CPT2: variants seen among roughly 807,000 people sequenced by gnomAD.
The protein encoded by CPT2 is carnitine palmitoyltransferase 2.
Under a neutral mutation model 48.6 loss-of-function variants are expected in CPT2, and 37 were observed. The observed-to-expected ratio is 0.76, with a 90% CI of 0.59 to 1.00. The LOEUF is 1.00. Among genes scored for constraint, CPT2 ranks in the 50% least tolerant of loss-of-function variants. The pLI, the probability that CPT2 is intolerant of heterozygous loss-of-function variation, is 0.00. For missense variants in CPT2, 772 were observed against 825.6 expected (o/e 0.94, Z 0.80); for synonymous variants, 319 against 326.9 (o/e 0.98, Z 0.26).
At chr1:53,206,151 C>G (rs1389916287) in intron 3 of CPT2, among the ~76,000 whole-genome samples, 1 of 149,528 alleles carries the variant, frequency 6.7e-6, no homozygotes, top group Non-Finnish European at 1.5e-5. Flanking sequence ...CCACTGCACT[C>G]CAGTCTGGGT....
chr1:53,210,291 T>A lies in CPT2; in HGVS notation c.617T>A (p.Leu206Gln). The change falls in exon 4 of 5, where the codon CTG becomes CAG. Residue 206 changes from leucine to glutamine, a missense_variant. Transcript: ENST00000371486. ...TCTCTGTCCTGGTATGGGGCCTACC[T>A]GGTCAATGCGTATCCCCTGGATATG... ...PSSLSWYGAY[L>Q]VNAYPLDMSQ... 1 of 1,614,214 alleles carries A rather than the reference T, an allele frequency of 6.2e-7. No individual in the cohort carries two copies. The highest frequency in any genetic ancestry group is 8.5e-7 in the Non-Finnish European group (1 of 1,180,040).
Position 53,196,999 on chromosome 1 carries a change from G to C in CPT2, c.56G>C (p.Gly19Ala), listed in dbSNP as rs938409577. ...CCCCGGGGCCCCGCGGTTGGTCCGG[G>C]AGCCCCCAGTCGGCCCCTCAGCGCC... ...AWPRGPAVGP[G>A]APSRPLSAGS... Residue 19 changes from glycine (G) to alanine (A), a missense_variant, in exon 1 of 5, where the codon GGA becomes GCA. Transcript: ENST00000371486. 3.9e-6 allele frequency: 6 copies of C among 1,532,428 alleles called. No individual in the cohort carries two copies. The South Asian group carries it at 7.2e-5, about 18-fold the overall frequency. 94.9% of individuals were successfully genotyped at this position (1,532,428 alleles called of 1,614,324 possible). A position where few individuals can be genotyped will look rare whatever the true frequency, so the allele number is the denominator to read the frequency against.
At chr1:53,209,013 T>C (rs1645404001) in intron 3 of CPT2, 1 of 152,194 alleles carries the variant, frequency 6.6e-6, no homozygotes, top group Non-Finnish European at 1.5e-5. Context: ...GTGATAGTAG[T>C]TCCACTCCTA....
rs1557711910 is a variant in CPT2 at position 53,196,910 on chromosome 1, TG to T, written c.-33del. On this transcript the variant is annotated 5_prime_UTR_variant, in exon 1 of 5. Transcript: ENST00000371486. ...TGTTTAGACTCCAGAACTCCCCACT[TG>T]CCGCGTTCTCGCCGCCGCAGGCTCC... is the stretch of plus-strand genomic sequence containing the variant. 6.5e-7 allele frequency: 1 copy of T among 1,537,084 alleles called. No individual in the cohort carries two copies. The highest frequency in any genetic ancestry group is 1.2e-5 in the South Asian group (1 of 83,974).
At chr1:53,197,572 CT>C (rs1364073451) in intron 1 of CPT2, 4 of 256,214 alleles carry the variant, frequency 1.6e-5, no homozygotes, top group Admixed American at 5.3e-5. Context: ...GCCTTCACCC[CT>C]GTCACTCAGG....
rs1645442171 is a variant in CPT2, at chr1:53,213,342, TGG to T, written c.1725_1726del (p.Asp576ProfsTer32). 1 of 1,614,246 alleles carries T rather than the reference TGG, an allele frequency of 6.2e-7. No homozygotes were observed. ...GGGATCATCTTGCCTGAGCTCTACC[TGG>T]ACCCTGCATACGGGCAGATAAACCA... is the stretch of plus-strand genomic sequence containing the variant. On this transcript the variant is annotated frameshift_variant, in exon 5 of 5. Transcript: ENST00000371486. LOFTEE classifies it high-confidence loss of function.
At position 53,213,501 on chromosome 1, in the gene CPT2, AC is replaced by A. The variant is rs763889116; in HGVS notation, c.1886del (p.Pro629GlnfsTer16). The part of the protein sequence containing the change: ...DNWIGCNVSS[Y>X]PGRNAREFLQ... Reference sequence around the variant, plus strand: ...TGGATAGGCTGCAATGTCTCTTCCTACCCAGGCCGCAATGCCCGGGAGTTTC... The same window carrying A: ...TGGATAGGCTGCAATGTCTCTTCCTACCAGGCCGCAATGCCCGGGAGTTTC... On this transcript the variant is annotated frameshift_variant, in exon 5 of 5. Coordinates refer to ENST00000371486, the MANE Select transcript of CPT2 (RefSeq NM_000098.3). LOFTEE classifies it high-confidence loss of function. The A allele has an allele frequency of 6.8e-6, 11 of 1,614,094 alleles. No individual in the cohort carries two copies.
chr1:53,210,662 T>G lies in CPT2; in HGVS notation c.988T>G (p.Phe330Val), dbSNP rs755882353. 1 of 1,614,172 alleles carries G rather than the reference T, an allele frequency of 6.2e-7. No homozygotes were observed. Among genetic ancestry groups the G allele is most frequent in the Admixed American group, 1.7e-5 (1 of 60,030 alleles). ...SAVFCLCLDD[F>V]PIKDLVHLSH... ...AGTGTTCTGTCTCTGCCTAGATGAC[T>G]TCCCCATTAAGGACCTTGTCCACTT... The change falls in exon 4 of 5, where the codon TTC becomes GTC. Residue 330 changes from phenylalanine to valine, a missense_variant. Physicochemically the swap from Phe to Val is conservative, Grantham distance 50 (BLOSUM62 -1). Coordinates refer to ENST00000371486, the MANE Select transcript of CPT2 (RefSeq NM_000098.3).
In CPT2 at chr1:53,208,328, T is replaced by A. The variant is rs1645400551; in HGVS notation, c.341-1687T>A. 2.0e-5 allele frequency: 3 copies of A among 152,210 alleles called. No individual in the cohort carries two copies. In the South Asian group the frequency reaches 6.2e-4, roughly 32 times the overall value. The allele number at this position is 152,210 out of a possible 1,614,324, so 9.4% of individuals were successfully genotyped here. On this transcript the variant is annotated intron_variant, in intron 3 of 4. Coordinates refer to ENST00000371486, the MANE Select transcript of CPT2 (RefSeq NM_000098.3). ...GACCAACAAATGAGTAACAGAGAAA[T>A]CTGCATCTATTAATCCTTTTCCCAG...
At chr1:53,199,633 T>G (rs984716383) in intron 1 of CPT2, 5 of 152,240 alleles carry the variant, frequency 3.3e-5, no homozygotes, top group African/African-American at 1.2e-4. Flanking sequence ...TGTAGGCAAC[T>G]GGAATTATGA....
chr1:53,199,961 T>G (rs753067447), intron 1 of CPT2: 4 of 152,210 alleles, frequency 2.6e-5, no homozygotes, highest in Non-Finnish European at 5.9e-5. Flanking sequence ...TCTGATTGTT[T>G]TGCTATTAGG....
At chr1:53,211,454 C>A in intron 4 of CPT2, 135 bp downstream of exon 4, 1 of 882,874 alleles carries the variant, frequency 1.1e-6, no homozygotes, top group Non-Finnish European at 1.8e-6. Flanking sequence ...CCAAATTTTT[C>A]TTTTCTACCC....
In CPT2 at chr1:53,213,913, G is replaced by A. The variant is rs951718987; in HGVS notation, c.*318G>A. 5.2e-5 allele frequency: 17 copies of A among 327,108 alleles called. No individual in the cohort carries two copies. The highest frequency in any genetic ancestry group is 1.3e-4 in the African/African-American group (6 of 46,640). The allele number at this position is 327,108 out of a possible 1,614,324, so 20.3% of individuals were successfully genotyped here. A position where few individuals can be genotyped will look rare whatever the true frequency, so the allele number is the denominator to read the frequency against. ...TGCACTCCGGCCTGGGCGACAGAGC[G>A]AGACTGTCTCAAAAAAACAAAAAAG... On this transcript the variant is annotated 3_prime_UTR_variant, in exon 5 of 5. Coordinates refer to ENST00000371486, the MANE Select transcript of CPT2 (RefSeq NM_000098.3).
intron 1 of CPT2, 136 bp downstream of exon 1, chr1:53,197,231 T>C: frequency 1.8e-6 from 2 of 1,098,422 alleles, no homozygotes; most frequent in Admixed American, 2.0e-5. Flanking sequence ...CCACAGCCCC[T>C]AATCTGGAAG....
At chr1:53,211,344 CCTTGG>C (rs1329603181) in intron 4 of CPT2, 25 bp downstream of exon 4, 2 of 1,568,264 alleles carry the variant, frequency 1.3e-6, no homozygotes, top group African/African-American at 2.7e-5. Flanking sequence ...GGGAGCATGC[CCTTGG>C]GTCTTGTCCT....
Position 53,210,996 on chromosome 1 carries a change from T to A in CPT2, c.1322T>A (p.Leu441His). 6.2e-7 allele frequency: 1 copy of A among 1,614,188 alleles called. No individual in the cohort carries two copies. The highest frequency in any genetic ancestry group is 8.5e-7 in the Non-Finnish European group (1 of 1,180,040). Residue 441 changes from leucine to histidine, a missense_variant, in exon 4 of 5, where the codon CTC (leucine) becomes CAC (histidine). Transcript: ENST00000371486. ...KEKFDATMKTLTIDCVQFQRG... is the reference protein window; with the variant it reads ...KEKFDATMKTHTIDCVQFQRG... ...AAGTTTGATGCCACCATGAAAACCC[T>A]CACTATTGACTGCGTCCAGTTTCAG... is the stretch of plus-strand genomic sequence containing the variant.
Position 53,211,193 on chromosome 1 carries a change from G to A in CPT2, c.1519G>A (p.Val507Ile), listed in dbSNP as rs142600166. 100 of 1,608,570 alleles carry A rather than the reference G, an allele frequency of 6.2e-5. No individual in the cohort carries two copies. In the African/African-American group the frequency reaches 6.8e-4, roughly 11 times the overall value. Residue 507 changes from valine (V) to isoleucine (I), a missense_variant, in exon 4 of 5, where the codon GTC becomes ATC. Physicochemically the swap from Val to Ile is conservative, Grantham distance 29 (BLOSUM62 3). Transcript: ENST00000371486. ...GRTETIRPAS[V>I]YTKRCSEAFV... The stretch of plus-strand genomic sequence containing the variant: ...CACTGAGACCATCCGCCCGGCCTCC[G>A]TCTATACAAAGAGGTGCTCTGAGGC...
chr1:53,200,211 C>T (rs1645346279), intron 1 of CPT2: 1 of 155,598 alleles, frequency 6.4e-6, no homozygotes, highest in Non-Finnish European at 1.4e-5. Flanking sequence ...TCGATTCCTA[C>T]CTTTTAGTGA....
intron 3 of CPT2, chr1:53,209,347 C>G (rs924662828): frequency 6.6e-5 from 10 of 152,590 alleles, no homozygotes; most frequent in Admixed American, 6.5e-5. Flanking sequence ...TGATAGAAAT[C>G]CTGTGTCTCT....
Sources: allele counts gnomAD v4.1 joint callset (sites outside exome capture counted in the v4.1 genomes callset), GRCh38; gene constraint gnomAD v4.1.1; transcripts MANE v1.5; gene names NCBI Gene and HGNC (gene_info 2026-07-23, HGNC 2026-07-21).